DMD: variants seen among roughly 807,000 people sequenced by gnomAD.
The protein encoded by DMD is mutant dystrophin.
A neutral mutation model predicts 330.1 loss-of-function variants in DMD; 63 were observed. The observed-to-expected ratio is 0.19, with a 90% confidence interval of 0.16 to 0.24. The LOEUF (loss-of-function observed/expected upper bound fraction) is 0.24. DMD is among the 10% of genes least tolerant of loss of function. DMD has a pLI of 1.00. For missense variants in DMD, 3,344 were observed against 2,684.1 expected (o/e 1.25, Z -5.43); for synonymous variants, 1,223 against 959.8 (o/e 1.27, Z -5.07).
At chrX:31,893,818 C>T (rs1001386164) in intron 47 of DMD, among the ~76,000 whole-genome samples, 1 of 111,528 alleles carries the variant, frequency 9.0e-6, no homozygotes, top group African/African-American at 3.3e-5. Context: ...ACCACCTCTA[C>T]CGCTACTTAT....
rs1477425663 is a variant in DMD at position 32,472,292 on chromosome X, G to A, written c.2821C>T (p.Pro941Ser). 1 of 1,208,803 alleles carries A rather than the reference G, an allele frequency of 8.3e-7. No individual in the cohort carries two copies. Among genetic ancestry groups the A allele is most frequent in the East Asian group, 3.0e-5 (1 of 33,725 alleles). The change falls in exon 22 of 79, where the codon CCA (proline) becomes TCA (serine). Residue 941 changes from proline (P) to serine (S), a missense_variant. By Grantham distance (74) the Pro-to-Ser change is moderately conservative. Transcript: ENST00000357033. ...ELQTIFDTLP[P>S]MRYQETMSAI... ...CTCATGGTCTCCTGATAGCGCATTG[G>A]TGGCAAAGTGTCAAAAACTTTATCA...
At chrX:31,488,775 G>A (rs772765592) in intron 57 of DMD, among the ~76,000 whole-genome samples, 1 of 111,294 alleles carries the variant, frequency 9.0e-6, no homozygotes, top group East Asian at 2.8e-4. Flanking sequence ...CTTCAGTTTC[G>A]CTCTTTTTAT....
At chrX:32,551,471 A>C (rs1437152665) in intron 16 of DMD, among the ~76,000 whole-genome samples, 1 of 111,859 alleles carries the variant, frequency 8.9e-6, no homozygotes, top group Non-Finnish European at 1.9e-5. Flanking sequence ...CAAACTAGGC[A>C]CTGAAGGAAC....
rs193010229 is a variant in DMD at position 33,046,211 on chromosome X, T to C, written c.32-26011A>G. 3.6e-3 allele frequency among the ~76,000 whole-genome samples: 396 copies of C among 110,709 alleles called. 1 individual carries two copies. Among genetic ancestry groups the C allele is most frequent in the Non-Finnish European group, 5.2e-3 (274 of 52,941 alleles). Reference sequence around the variant, plus strand: ...CGGTAGACCTGAAAAGTCACTGAATTTTATTAAGATTTCCTGAGAATGGTA... The same window carrying C: ...CGGTAGACCTGAAAAGTCACTGAATCTTATTAAGATTTCCTGAGAATGGTA... On this transcript the variant is annotated intron_variant, in intron 1 of 78. Transcript: ENST00000357033.
At chrX:32,802,096 G>A (rs986339446) in intron 7 of DMD, among the ~76,000 whole-genome samples, 7 of 111,443 alleles carry the variant, frequency 6.3e-5, no homozygotes, top group African/African-American at 2.0e-4. Flanking sequence ...AAATTACTTC[G>A]GGCAGTATGG....
intron 17 of DMD, among the ~76,000 whole-genome samples, chrX:32,526,143 G>C (rs942724071): frequency 9.0e-6 from 1 of 111,457 alleles, no homozygotes; most frequent in African/African-American, 3.3e-5. Context: ...AATGTTATCA[G>C]ACTCTATCCC....
chrX:31,871,337 T>C (rs193014407), intron 48 of DMD, among the ~76,000 whole-genome samples: 52 of 111,363 alleles, frequency 4.7e-4, no homozygotes, highest in African/African-American at 1.7e-3. Flanking sequence ...AACCAAGCAA[T>C]GTGCAGTCAA....
At chrX:32,440,754 G>A (rs1353759002) in intron 28 of DMD, among the ~76,000 whole-genome samples, 1 of 111,230 alleles carries the variant, frequency 9.0e-6, no homozygotes. Flanking sequence ...AAAACATTCC[G>A]TAAGGTGTAA....
intron 52 of DMD, among the ~76,000 whole-genome samples, chrX:31,717,578 C>G (rs2085157556): frequency 8.9e-6 from 1 of 111,909 alleles, no homozygotes; most frequent in Non-Finnish European, 1.9e-5. Context: ...TAAACCAAAT[C>G]CTTCATGAGG....
At chrX:31,289,316 ACT>A (rs2053509029) in intron 62 of DMD, among the ~76,000 whole-genome samples, 1 of 106,643 alleles carries the variant, frequency 9.4e-6, no homozygotes, top group Non-Finnish European at 1.9e-5. Flanking sequence ...AAAATTTAAC[ACT>A]CTGATATACC....
At chrX:31,904,749 A>T (rs1192029965) in intron 47 of DMD, among the ~76,000 whole-genome samples, 1 of 111,520 alleles carries the variant, frequency 9.0e-6, no homozygotes, top group African/African-American at 3.3e-5. Context: ...GCCCTGGCCA[A>T]CACCTAGTGT....
chrX:33,020,297 T>TTTTTTTACATTTTTTACA lies in DMD; in HGVS notation c.32-98_32-97insTGTAAAAAATGTAAAAAA, dbSNP rs1450798345. Reference sequence around the variant, plus strand: ...AACTTTCCATTATGATGTGTTAGTGTTTTTTTACATTTAGTATTACATTCA... The same window carrying TTTTTTTACATTTTTTACA: ...AACTTTCCATTATGATGTGTTAGTGTTTTTTTACATTTTTTACATTTTTTACATTTAGTATTACATTCA... On this transcript the variant is annotated intron_variant, in intron 1 of 78. Transcript: ENST00000357033. 6 of 568,023 alleles carry TTTTTTTACATTTTTTACA rather than the reference T, an allele frequency of 1.1e-5. No individual in the cohort carries two copies. The Admixed American group carries it at 1.3e-4, about 12-fold the overall frequency. The allele number at this position is 568,023 out of a possible 1,213,427, so 46.8% of individuals were successfully genotyped here.
At chrX:31,160,480 G>A (rs1368731177) in intron 74 of DMD, among the ~76,000 whole-genome samples, 1 of 111,468 alleles carries the variant, frequency 9.0e-6, no homozygotes, top group African/African-American at 3.3e-5. Context: ...CTACAGTAGA[G>A]AGTCAACTAT....
intron 16 of DMD, among the ~76,000 whole-genome samples, chrX:32,549,756 T>C (rs952939922): frequency 9.0e-5 from 10 of 111,508 alleles, no homozygotes; most frequent in Admixed American, 9.6e-5. Flanking sequence ...TGCAGTAAGA[T>C]TGTGTTATTT....
chrX:31,906,715 A>G (rs2094482958), intron 47 of DMD, among the ~76,000 whole-genome samples: 1 of 112,169 alleles, frequency 8.9e-6, no homozygotes, highest in Non-Finnish European at 1.9e-5. Context: ...CTTGTATAAC[A>G]TAAGTCATCT....
At chrX:31,266,683 C>A in intron 62 of DMD, 1 of 699,019 alleles carries the variant, frequency 1.4e-6, no homozygotes, top group Non-Finnish European at 2.2e-6. Context: ...AGACGCCCAG[C>A]CGCCCGGCGC....
At chrX:32,530,536 A>G (rs1213165397) in intron 17 of DMD, among the ~76,000 whole-genome samples, 1 of 112,544 alleles carries the variant, frequency 8.9e-6, no homozygotes, top group Non-Finnish European at 1.9e-5. Flanking sequence ...CAGATGTCAC[A>G]TTTATAAGTT....
At chrX:33,094,599 G>A (rs2095130558) in intron 1 of DMD, among the ~76,000 whole-genome samples, 5 of 111,332 alleles carry the variant, frequency 4.5e-5, no homozygotes, top group Admixed American at 2.9e-4. Flanking sequence ...CTGAGGTCAG[G>A]AGTTCAAGAC....
chrX:32,784,787 G>C (rs184058994), intron 7 of DMD, among the ~76,000 whole-genome samples: 1 of 111,405 alleles, frequency 9.0e-6, no homozygotes, highest in African/African-American at 3.3e-5. Flanking sequence ...ACATTTATTA[G>C]AATGAAAAAC....
Sources: allele counts gnomAD v4.1 joint callset (sites outside exome capture counted in the v4.1 genomes callset), GRCh38; gene constraint gnomAD v4.1.1; transcripts MANE v1.5; gene names NCBI Gene and HGNC (gene_info 2026-07-23, HGNC 2026-07-21).